The following TNRC18 variants were observed in gnomAD, a reference collection of about 807,000 sequenced individuals.
The protein encoded by TNRC18 is trinucleotide repeat-containing gene 18 protein.
A neutral mutation model predicts 226.7 loss-of-function variants in TNRC18; 69 were observed. The ratio of observed to expected loss-of-function variants is 0.30; its 90% CI spans 0.25 to 0.37. The LOEUF (loss-of-function observed/expected upper bound fraction) is 0.37. Among genes scored for constraint, TNRC18 ranks in the 10% least tolerant of loss-of-function variants. The pLI is 1.00. For missense variants in TNRC18, 4,754 were observed against 4,256.6 expected (o/e 1.12, Z -3.25); for synonymous variants, 2,449 against 1,927.6 (o/e 1.27, Z -7.09).
At chr7:5,369,839 G>T (rs906804293) in intron 11 of TNRC18, among the ~76,000 whole-genome samples, 2 of 152,044 alleles carry the variant, frequency 1.3e-5, no homozygotes, top group Non-Finnish European at 2.9e-5. Context: ...TCACCACCAG[G>T]AAACCTACAG....
At chr7:5,340,096 C>T (rs986367734) in intron 18 of TNRC18, among the ~76,000 whole-genome samples, 4 of 152,166 alleles carry the variant, frequency 2.6e-5, no homozygotes, top group Non-Finnish European at 4.4e-5. Flanking sequence ...AATGATTAAA[C>T]TTAGTGAGGA....
intron 2 of TNRC18, among the ~76,000 whole-genome samples, chr7:5,397,132 C>G (rs550539000): frequency 1.3e-5 from 2 of 151,928 alleles, no homozygotes; most frequent in Admixed American, 1.3e-4. Context: ...CGGACTCCAG[C>G]GCCAAGCCCT....
chr7:5,388,724 T>C lies in TNRC18; in HGVS notation c.1100A>G (p.His367Arg). 1 of 1,258,706 alleles carries C rather than the reference T, an allele frequency of 7.9e-7. No homozygotes were observed. Among genetic ancestry groups the C allele is most frequent in the South Asian group, 2.2e-5 (1 of 45,522 alleles). The allele number at this position is 1,258,706 out of a possible 1,614,324, so 78.0% of individuals were successfully genotyped here. ...YTVFREQGREHRVVAPTFVPS... is the reference protein window; with the variant it reads ...YTVFREQGRERRVVAPTFVPS... ...CACGAAGGTGGGCGCCACCACGCGG[T>C]GCTCACGGCCCTGCTCGCGGAAGAC... is the stretch of plus-strand genomic sequence containing the variant. The change falls in exon 5 of 30, where the codon CAC becomes CGC. Residue 367 changes from histidine to arginine, a missense_variant. By Grantham distance (29) the His-to-Arg change is conservative (BLOSUM62 0). Transcript: ENST00000430969.
At chr7:5,411,960 G>T (rs1781870366) in intron 2 of TNRC18, among the ~76,000 whole-genome samples, 1 of 152,122 alleles carries the variant, frequency 6.6e-6, no homozygotes, top group Admixed American at 6.6e-5. Flanking sequence ...CCAGGCAAGA[G>T]GATTATTTGA....
At position 5,370,841 on chromosome 7, in the gene TNRC18, G is replaced by C; in HGVS notation, c.3753C>G (p.Pro1251=). The part of the protein sequence containing the change: ...AALDLGVQLT[P]ETLVEAKEEP... The stretch of plus-strand genomic sequence containing the variant: ...CCTCCTTGGCCTCCACCAGTGTCTC[G>C]GGTGTCAGCTGCACCCCCAGGTCCA... The change falls in exon 11 of 30, where the codon CCC becomes CCG. Residue 1251 remains proline (P), a synonymous_variant. Transcript: ENST00000430969. The C allele has an allele frequency of 6.2e-7, 1 of 1,609,154 alleles. No homozygotes were observed. Among genetic ancestry groups the C allele is most frequent in the African/African-American group, 1.3e-5 (1 of 75,042 alleles).
chr7:5,392,791 T>G (rs1287479063), intron 3 of TNRC18, among the ~76,000 whole-genome samples: 1 of 152,172 alleles, frequency 6.6e-6, no homozygotes, highest in Middle Eastern at 3.4e-3. Context: ...GACGATCGCT[T>G]GAGCCTAGCA....
chr7:5,393,726 G>C (rs1296279277), intron 3 of TNRC18, among the ~76,000 whole-genome samples: 2 of 152,192 alleles, frequency 1.3e-5, no homozygotes, highest in African/African-American at 4.8e-5. Flanking sequence ...CCATTCCTTT[G>C]CAGGCAGAAA....
At chr7:5,362,525 G>A (rs1162369205) in intron 12 of TNRC18, 125 bp downstream of exon 12, 1 of 906,922 alleles carries the variant, frequency 1.1e-6, no homozygotes, top group Admixed American at 3.1e-5. Flanking sequence ...ACAAGGAGCT[G>A]AACGTAGCTC....
rs376442503 is a variant in TNRC18, at chr7:5,390,570, C to T, written c.402G>A (p.Glu134=). The T allele has an allele frequency of 1.5e-4, 237 of 1,612,920 alleles. No individual in the cohort carries two copies. The highest frequency in any genetic ancestry group is 1.9e-4 in the Non-Finnish European group (219 of 1,179,502). Residue 134 remains glutamate (E), a synonymous_variant, in exon 4 of 30, where the codon GAG becomes GAA. Transcript: ENST00000430969. The part of the protein sequence containing the change: ...YPSYLHLNHL[E]PPSSGSPLLS... ...GGAGGGGGCTCCCACTGCTGGGGGG[C>T]TCCAGGTGGTTCAGGTGGAGGTAGG...
At position 5,376,985 on chromosome 7, in the gene TNRC18, G is replaced by A. The variant is rs1223709391; in HGVS notation, c.2470C>T (p.Pro824Ser). Reference protein sequence around the residue: ...WLAGHPYGLGPPSLHQGMAPA... With the variant: ...WLAGHPYGLGSPSLHQGMAPA... ...GCCATGCCCTGGTGCAGAGATGGGG[G>A]ACCCAAGCCTAGGAGGAGAAGCCCA... The change falls in exon 8 of 30, where the codon CCC (proline) becomes TCC (serine). Residue 824 changes from proline (P) to serine (S), a missense_variant. Physicochemically the swap from Pro to Ser is moderately conservative, Grantham distance 74. Transcript: ENST00000430969. 1.3e-6 allele frequency: 2 copies of A among 1,580,636 alleles called. No individual in the cohort carries two copies. Among genetic ancestry groups the A allele is most frequent in the East Asian group, 2.3e-5 (1 of 43,256 alleles).
rs746144404 is a variant in TNRC18 at position 5,345,550 on chromosome 7, G to A, written c.5719+12C>T. On this transcript the variant is annotated intron_variant, in intron 18 of 29. Coordinates refer to ENST00000430969, the MANE Select transcript of TNRC18 (RefSeq NM_001080495.3). ...CACCCACCCCCACCGCAGCCCACCT[G>A]CTGCCACTTACCCAGCAGGCTCTGC... 3 of 228,160 alleles carry A rather than the reference G, an allele frequency of 1.3e-5. No homozygotes were observed. Among genetic ancestry groups the A allele is most frequent in the Non-Finnish European group, 1.2e-5 (2 of 173,424 alleles). 14.1% of individuals were successfully genotyped at this position (228,160 alleles called of 1,614,324 possible).
chr7:5,377,412 C>A lies in TNRC18; in HGVS notation c.2420G>T (p.Arg807Leu). ...GAGCCACATGGATGCGTTGCCCGAG[C>A]GGGGCAACCAGGGGTGCGTGGCCAG... ...AHLATHPWLP[R>L]SGNASMWLAG... Residue 807 changes from arginine to leucine, a missense_variant, in exon 7 of 30, where the codon CGC becomes CTC. Physicochemically the swap from Arg to Leu is moderately radical, Grantham distance 102. Transcript: ENST00000430969. The surrounding 1 kb of genome is among the most constrained non-coding windows in gnomAD (Gnocchi z 5.8). The A allele has an allele frequency of 2.5e-6, 4 of 1,595,850 alleles. No homozygotes were observed. The highest frequency in any genetic ancestry group is 1.7e-5 in the Admixed American group (1 of 57,850).
intron 19 of TNRC18, 174 bp from the exon 20 acceptor site, chr7:5,325,422 T>A (rs1788804757): frequency 3.0e-6 from 2 of 663,518 alleles, no homozygotes; most frequent in East Asian, 6.5e-5. Flanking sequence ...TTTTGGGTTT[T>A]TTTTTGTTTT....
chr7:5,385,997 A>C (rs1779756833), intron 5 of TNRC18, among the ~76,000 whole-genome samples: 1 of 149,838 alleles, frequency 6.7e-6, no homozygotes. Context: ...AAAAAAAAAA[A>C]AAAAAAAAAA....
Position 5,332,712 on chromosome 7 carries a change from G to C in TNRC18, c.6057C>G (p.Pro2019=), listed in dbSNP as rs1328425653. The C allele has an allele frequency of 5.2e-6, 8 of 1,528,164 alleles. No individual in the cohort carries two copies. The highest frequency in any genetic ancestry group is 2.3e-4 in the Middle Eastern group (1 of 4,442). The allele number at this position is 1,528,164 out of a possible 1,614,324, so 94.7% of individuals were successfully genotyped here. The change falls in exon 19 of 30, where the codon CCC becomes CCG. Residue 2019 remains proline (P), a synonymous_variant. Transcript: ENST00000430969. ...AAAPAPVSTA[P]ATKTSRCAKG... The stretch of plus-strand genomic sequence containing the variant: ...TGGCGCAGCGGCTGGTCTTGGTGGC[G>C]GGCGCGGTGCTGACGGGCGCAGGTG...
intron 19 of TNRC18, among the ~76,000 whole-genome samples, chr7:5,330,202 G>C (rs553853810): frequency 1.3e-5 from 2 of 152,210 alleles, no homozygotes; most frequent in Admixed American, 1.3e-4. Context: ...AAAGTGCTAG[G>C]ATTACAGGAA....
intron 2 of TNRC18, among the ~76,000 whole-genome samples, chr7:5,397,667 C>T (rs1334392062): frequency 3.9e-5 from 6 of 152,152 alleles, no homozygotes; most frequent in Non-Finnish European, 5.9e-5. Context: ...GCCCCTTTCC[C>T]GCCTGGCCCG....
chr7:5,381,541 T>G (rs1779395606), intron 5 of TNRC18, among the ~76,000 whole-genome samples: 1 of 152,080 alleles, frequency 6.6e-6, no homozygotes, highest in Non-Finnish European at 1.5e-5. Context: ...TATTGATCAT[T>G]CACTGTCTGT....
At chr7:5,362,934 C>A in intron 11 of TNRC18, 109 bp from the exon 12 acceptor site, 3 of 1,170,258 alleles carry the variant, frequency 2.6e-6, no homozygotes, top group South Asian at 1.7e-5. Flanking sequence ...ACGTGCCCAT[C>A]CCCCAAGGTG....
Sources: allele counts gnomAD v4.1 joint callset (sites outside exome capture counted in the v4.1 genomes callset), GRCh38; gene constraint gnomAD v4.1.1; non-coding constraint Gnocchi (gnomAD v3.1); transcripts MANE v1.5; gene names NCBI Gene and HGNC (gene_info 2026-07-23, HGNC 2026-07-21).